The following UNC79 variants were observed in gnomAD, a reference collection of about 807,000 sequenced individuals.
UNC79 encodes the protein protein unc-79 homolog.
Under a neutral mutation model 283.1 loss-of-function variants are expected in UNC79, and 37 were observed. The ratio of observed to expected loss-of-function variants is 0.13; its 90% CI spans 0.10 to 0.17. The LOEUF (loss-of-function observed/expected upper bound fraction) is 0.17. Among genes scored for constraint, UNC79 ranks in the 10% least tolerant of loss-of-function variants. The pLI, the probability that UNC79 is intolerant of heterozygous loss-of-function variation, is 1.00. For synonymous variants in UNC79, 1,107 were observed against 1,200.2 expected (o/e 0.92, Z 1.61); for missense variants, 2,272 against 3,211.1 (o/e 0.71, Z 7.07).
intron 40 of UNC79, among the ~76,000 whole-genome samples, chr14:93,662,915 C>T (rs903690849): frequency 6.6e-6 from 1 of 151,908 alleles, no homozygotes; most frequent in East Asian, 1.9e-4. Context: ...AACACACATA[C>T]AATGTCTAAA....
At chr14:93,666,859 A>T (rs2072258053) in intron 40 of UNC79, among the ~76,000 whole-genome samples, 1 of 152,194 alleles carries the variant, frequency 6.6e-6, no homozygotes, top group Non-Finnish European at 1.5e-5. Context: ...AAAGAAAGGA[A>T]GCAGTAAAGA....
intron 7 of UNC79, among the ~76,000 whole-genome samples, chr14:93,502,488 T>C (rs2059344317): frequency 6.6e-6 from 1 of 152,162 alleles, no homozygotes; most frequent in African/African-American, 2.4e-5. Flanking sequence ...AAAATGACTT[T>C]TTCTCCTGTT....
chr14:93,479,910 T>C lies in UNC79; in HGVS notation c.619+2182T>C, dbSNP rs2058037404. ...CAGGCTCCAAAGTGCTGGGAGGCGA[T>C]GGTGGGATTAATGAGGAGGCTGTAG... is the stretch of plus-strand genomic sequence containing the variant. On this transcript the variant is annotated intron_variant, in intron 4 of 48. Transcript: ENST00000555664. Among the ~76,000 whole-genome samples, 9 of 152,298 alleles carry C rather than the reference T, an allele frequency of 5.9e-5. No homozygotes were observed. In the South Asian group the frequency reaches 1.7e-3, roughly 28 times the overall value.
At chr14:93,571,872 G>A in intron 14 of UNC79, 22 bp from the exon 15 acceptor site, 1 of 1,613,386 alleles carries the variant, frequency 6.2e-7, no homozygotes, top group Non-Finnish European at 8.5e-7. Flanking sequence ...CTTTTCCCCT[G>A]TGGCTATGGA....
At chr14:93,423,372 T>G (rs2055651312) in intron 1 of UNC79, among the ~76,000 whole-genome samples, 1 of 152,140 alleles carries the variant, frequency 6.6e-6, no homozygotes, top group African/African-American at 2.4e-5. Flanking sequence ...TTATAAAATT[T>G]ATGTGGAACC....
At chr14:93,584,217 C>G (rs1311681910) in intron 20 of UNC79, among the ~76,000 whole-genome samples, 2 of 152,170 alleles carry the variant, frequency 1.3e-5, no homozygotes, top group Admixed American at 6.5e-5. Context: ...AAATAAATCC[C>G]AGATGGGTTA....
At chr14:93,545,462 T>C (rs1017200776) in intron 14 of UNC79, among the ~76,000 whole-genome samples, 2 of 152,346 alleles carry the variant, frequency 1.3e-5, no homozygotes, top group East Asian at 3.9e-4. Context: ...CCAGATTTCA[T>C]CTGTAATACT....
intron 7 of UNC79, among the ~76,000 whole-genome samples, chr14:93,504,755 T>A (rs2059448113): frequency 6.6e-6 from 1 of 152,078 alleles, no homozygotes; most frequent in Non-Finnish European, 1.5e-5. Flanking sequence ...TATGGTAGTC[T>A]TGCTTAAAAA....
intron 30 of UNC79, among the ~76,000 whole-genome samples, chr14:93,625,199 C>T (rs540140968): frequency 6.6e-6 from 1 of 152,296 alleles, no homozygotes; most frequent in Admixed American, 6.5e-5. Context: ...CCCTACAGCC[C>T]ATGTCACTGG....
intron 1 of UNC79, among the ~76,000 whole-genome samples, chr14:93,401,261 C>T (rs1420421965): frequency 6.6e-6 from 1 of 151,946 alleles, no homozygotes; most frequent in Non-Finnish European, 1.5e-5. Flanking sequence ...ATGAAAATTC[C>T]AAGGGCAAAG....
rs1386664983 is a variant in UNC79, at chr14:93,671,508, C to T, written c.6637-1843C>T. ...AAAAACAGGGCCAGGCGCGGTGGCTCACACCTGTAATCCCAGCACTTTCGG... is the reference window on the plus strand; with the variant it reads ...AAAAACAGGGCCAGGCGCGGTGGCTTACACCTGTAATCCCAGCACTTTCGG... On this transcript the variant is annotated intron_variant, in intron 40 of 48. Coordinates refer to ENST00000555664, the Ensembl canonical transcript of UNC79. Among the ~76,000 whole-genome samples the T allele has an allele frequency of 5.3e-5, 8 of 152,280 alleles. No individual in the cohort carries two copies. In the East Asian group the frequency reaches 9.6e-4, roughly 18 times the overall value.
intron 1 of UNC79, among the ~76,000 whole-genome samples, chr14:93,459,453 T>C (rs2056885059): frequency 6.6e-6 from 1 of 152,246 alleles, no homozygotes; most frequent in South Asian, 2.1e-4. Context: ...TAGTGAAATA[T>C]TGGAAACAAC....
chr14:93,693,443 A>C (rs1198220550), intron 46 of UNC79, among the ~76,000 whole-genome samples: 2 of 152,266 alleles, frequency 1.3e-5, no homozygotes, highest in Non-Finnish European at 2.9e-5. Context: ...TTTGTTGCAC[A>C]TGAATTTTAT....
chr14:93,516,951 T>C lies in UNC79; in HGVS notation c.899-7027T>C, dbSNP rs1427841253. Among the ~76,000 whole-genome samples, 5 of 152,164 alleles carry C rather than the reference T, an allele frequency of 3.3e-5. No homozygotes were observed. In the East Asian group the frequency reaches 9.6e-4, roughly 29 times the overall value. On this transcript the variant is annotated intron_variant, in intron 7 of 48. Transcript: ENST00000555664. ...TTGTTAAAGGTGCTCCTAAATATTT[T>C]ATGATTTTATATGCTATTATAAATA...
chr14:93,680,113 G>A (rs2140790313), intron 41 of UNC79, among the ~76,000 whole-genome samples: 1 of 152,172 alleles, frequency 6.6e-6, no homozygotes, highest in East Asian at 1.9e-4. Context: ...TTTACTTTTA[G>A]GGTGATTTTT....
chr14:93,650,381 T>C (rs1487421646), intron 35 of UNC79, among the ~76,000 whole-genome samples: 8 of 152,182 alleles, frequency 5.3e-5, no homozygotes, highest in Non-Finnish European at 1.2e-4. Flanking sequence ...TATCAGAAAC[T>C]ACTGGAACTT....
intron 47 of UNC79, among the ~76,000 whole-genome samples, chr14:93,697,765 A>G (rs566351314): frequency 5.3e-5 from 8 of 152,188 alleles, no homozygotes; most frequent in Non-Finnish European, 1.0e-4. Context: ...CAAAAAAAAG[A>G]TTTTTTTAAT....
chr14:93,410,477 G>A (rs545123230), intron 1 of UNC79, among the ~76,000 whole-genome samples: 1 of 152,226 alleles, frequency 6.6e-6, no homozygotes, highest in East Asian at 1.9e-4. Context: ...ACACCAGCTG[G>A]GGCAGCTAGG....
chr14:93,413,037 T>A (rs1232020386), intron 1 of UNC79, among the ~76,000 whole-genome samples: 2 of 152,112 alleles, frequency 1.3e-5, no homozygotes, highest in East Asian at 1.9e-4. Context: ...TCTTATTTTT[T>A]TTATTATTAT....
Sources: allele counts gnomAD v4.1 joint callset (sites outside exome capture counted in the v4.1 genomes callset), GRCh38; gene constraint gnomAD v4.1.1; transcripts MANE v1.5; gene names NCBI Gene and HGNC (gene_info 2026-07-23, HGNC 2026-07-21).